The following OSBPL9 variants were observed in gnomAD, a reference collection of about 807,000 sequenced individuals.
The protein encoded by OSBPL9 is oxysterol binding protein like 9.
Under a neutral mutation model 106.6 loss-of-function variants are expected in OSBPL9, and 40 were observed. That is an observed-to-expected ratio of 0.38 (90% CI 0.29 to 0.49). The LOEUF is 0.49. Ranked by LOEUF, OSBPL9 falls within the 20% of genes least tolerant of loss-of-function variation. The pLI, the probability that OSBPL9 is intolerant of heterozygous loss-of-function variation, is 0.97. For synonymous variants in OSBPL9, 269 were observed against 295.4 expected, an observed-to-expected ratio of 0.91 and a Z score of 0.92; for missense variants, 609 against 887.2, an observed-to-expected ratio of 0.69 and a Z score of 3.98.
At chr1:51,680,612 G>T (rs1346905897) in intron 3 of OSBPL9, among the ~76,000 whole-genome samples, 1 of 151,950 alleles carries the variant, frequency 6.6e-6, no homozygotes, top group Non-Finnish European at 1.5e-5. Context: ...AGTGAGCTGA[G>T]ATTGCACTGC....
At chr1:51,525,008 G>A in the OSBPL9 span, among the ~76,000 whole-genome samples, 1 of 152,198 alleles carries the variant, frequency 6.6e-6, no homozygotes, top group African/African-American at 2.4e-5. Context: ...CAAGTCAGAG[G>A]ATGGGCTGCA....
chr1:51,631,664 C>T (rs1457355943), intron 1 of OSBPL9, among the ~76,000 whole-genome samples: 1 of 152,170 alleles, frequency 6.6e-6, no homozygotes. Context: ...GATTCAGGCT[C>T]CTCTAATCTC....
In OSBPL9 at chr1:51,729,783, G is replaced by C; in HGVS notation, c.318+15704G>C. ...GCCAGCCAATCGGGGCGACCCCTCC[G>C]CCGGGGAGGGGACGGGAAAGGGGTG... On this transcript the variant is annotated intron_variant, in intron 4 of 23. Coordinates refer to ENST00000428468, the MANE Select transcript of OSBPL9 (RefSeq NM_024586.6). The surrounding 1 kb of genome is among the most constrained non-coding windows in gnomAD (Gnocchi z 5.1). 1 of 1,219,718 alleles carries C rather than the reference G, an allele frequency of 8.2e-7. No individual in the cohort carries two copies. 75.6% of individuals were successfully genotyped at this position (1,219,718 alleles called of 1,614,324 possible).
At position 51,638,759 on chromosome 1, in the gene OSBPL9, A is replaced by G. The variant is rs181385353; in HGVS notation, c.112-13232A>G. Among the ~76,000 whole-genome samples, 72 of 152,038 alleles carry G rather than the reference A, an allele frequency of 4.7e-4. 3 individuals carry two copies. In the South Asian group the frequency reaches 0.012, roughly 25 times the overall value. On this transcript the variant is annotated intron_variant, in intron 1 of 23. Coordinates refer to ENST00000428468, the MANE Select transcript of OSBPL9 (RefSeq NM_024586.6). Reference sequence around the variant, plus strand: ...TGGTGGTGTGCCCCTGTAGTGAGCTATGATTGCACCACTGCACTCCAGCCT... The same window carrying G: ...TGGTGGTGTGCCCCTGTAGTGAGCTGTGATTGCACCACTGCACTCCAGCCT...
At chr1:51,764,376 A>G (rs1054557309) in intron 11 of OSBPL9, among the ~76,000 whole-genome samples, 1 of 152,208 alleles carries the variant, frequency 6.6e-6, no homozygotes, top group Non-Finnish European at 1.5e-5. Flanking sequence ...TAATAAAAAG[A>G]ATATGAAGTT....
chr1:51,658,064 T>A (rs1444446479), intron 2 of OSBPL9, among the ~76,000 whole-genome samples: 4 of 150,138 alleles, frequency 2.7e-5, no homozygotes, highest in African/African-American at 4.9e-5. Flanking sequence ...GCTGAGATCA[T>A]ACTACTGCAC....
At chr1:51,774,800 A>AT (rs756697607) in intron 14 of OSBPL9, among the ~76,000 whole-genome samples, 2 of 152,240 alleles carry the variant, frequency 1.3e-5, no homozygotes, top group Non-Finnish European at 2.9e-5. Flanking sequence ...ATGTATCAGT[A>AT]TAGCACTACA....
chr1:51,562,888 A>C, the OSBPL9 span, among the ~76,000 whole-genome samples: 1 of 152,124 alleles, frequency 6.6e-6, no homozygotes. Context: ...TGCTTCTAAC[A>C]TGAGGTCAGG....
At chr1:51,570,335 T>C in the OSBPL9 span, among the ~76,000 whole-genome samples, 3 of 152,216 alleles carry the variant, frequency 2.0e-5, no homozygotes, top group South Asian at 6.2e-4. Context: ...GTTCTCCTAA[T>C]TTCTCTGCTT....
the OSBPL9 span, chr1:51,561,955 A>G: frequency 6.6e-6 from 1 of 152,266 alleles, no homozygotes. Context: ...TCAGGCTTAT[A>G]TTTAGGGTTG....
chr1:51,684,526 A>T (rs929679173), intron 3 of OSBPL9, among the ~76,000 whole-genome samples: 2 of 152,154 alleles, frequency 1.3e-5, no homozygotes, highest in East Asian at 3.9e-4. Context: ...TAAGAAAAAA[A>T]GTTTATTTAT....
chr1:51,625,397 G>C (rs1345711618), intron 1 of OSBPL9, among the ~76,000 whole-genome samples: 1 of 152,196 alleles, frequency 6.6e-6, no homozygotes, highest in Non-Finnish European at 1.5e-5. Flanking sequence ...AACTAGAACA[G>C]TGTACAAGTG....
chr1:51,523,447 A>G, the OSBPL9 span, among the ~76,000 whole-genome samples: 129 of 152,000 alleles, frequency 8.5e-4, no homozygotes, highest in African/African-American at 3.0e-3. Flanking sequence ...TTATTCCTCA[A>G]AACAGCTCTA....
intron 1 of OSBPL9, among the ~76,000 whole-genome samples, chr1:51,621,463 C>T (rs1403760590): frequency 6.6e-6 from 1 of 151,312 alleles, no homozygotes; most frequent in Non-Finnish European, 1.5e-5. Flanking sequence ...CCGAGATGGT[C>T]CCACTGCACT....
the OSBPL9 span, among the ~76,000 whole-genome samples, chr1:51,558,307 C>T: frequency 6.6e-6 from 1 of 151,782 alleles, no homozygotes; most frequent in Non-Finnish European, 1.5e-5. Flanking sequence ...ATAATAACAG[C>T]CCCTTCCCAA....
the OSBPL9 span, among the ~76,000 whole-genome samples, chr1:51,544,484 C>T: frequency 7.9e-5 from 12 of 152,290 alleles, no homozygotes; most frequent in East Asian, 1.9e-4. Flanking sequence ...ATTCGATCAG[C>T]GTGAACACAT....
At chr1:51,570,894 T>A in the OSBPL9 span, among the ~76,000 whole-genome samples, 12 of 152,116 alleles carry the variant, frequency 7.9e-5, no homozygotes, top group Non-Finnish European at 1.8e-4. Context: ...TAATCTCGGC[T>A]CACTGCAACC....
chr1:51,674,760 C>A (rs568096951), intron 3 of OSBPL9, among the ~76,000 whole-genome samples: 99 of 152,254 alleles, frequency 6.5e-4, no homozygotes, highest in African/African-American at 2.4e-3. Context: ...CAAATACTTA[C>A]CATTGTGTTG....
intron 4 of OSBPL9, among the ~76,000 whole-genome samples, chr1:51,719,745 C>T (rs1271253556): frequency 6.6e-6 from 1 of 152,012 alleles, no homozygotes; most frequent in Non-Finnish European, 1.5e-5. Context: ...AACATAAAGC[C>T]AGGTGTAAAT....
Sources: allele counts gnomAD v4.1 joint callset (sites outside exome capture counted in the v4.1 genomes callset), GRCh38; gene constraint gnomAD v4.1.1; non-coding constraint Gnocchi (gnomAD v3.1); transcripts MANE v1.5; gene names NCBI Gene and HGNC (gene_info 2026-07-23, HGNC 2026-07-21).